The following BRI3BP variants were observed in gnomAD, a reference collection of about 807,000 sequenced individuals.
The protein encoded by BRI3BP is BRI3 binding protein.
BRI3BP carries 7 observed loss-of-function variants against 15.8 expected under a neutral mutation model. The ratio of observed to expected loss-of-function variants is 0.44; its 90% CI spans 0.25 to 0.83. The LOEUF (loss-of-function observed/expected upper bound fraction) is 0.83, where lower values mean the gene tolerates loss of function less well. BRI3BP is among the 40% of genes least tolerant of loss of function. The pLI, the probability that BRI3BP is intolerant of heterozygous loss-of-function variation, is 0.20. For synonymous variants in BRI3BP, 192 were observed against 163.5 expected (o/e 1.17, Z -1.33); for missense variants, 320 against 339.3 (o/e 0.94, Z 0.45).
the BRI3BP span, among the ~76,000 whole-genome samples, chr12:125,039,854 A>G: frequency 6.6e-6 from 1 of 152,170 alleles, no homozygotes; most frequent in East Asian, 1.9e-4. Context: ...GTACAATGGA[A>G]TTTTCTAGAG....
At chr12:125,042,992 A>C in the BRI3BP span, among the ~76,000 whole-genome samples, 1 of 152,060 alleles carries the variant, frequency 6.6e-6, no homozygotes, top group South Asian at 2.1e-4. Flanking sequence ...TAATGCAGAA[A>C]ATTTGAAATC....
chr12:125,028,331 C>T lies in BRI3BP; in HGVS notation c.*2901C>T, dbSNP rs1421441093. ...TGGGTGTAATACCCGCTTCATTCCT[C>T]CTCCCACCCTCTTACCCGAAACATG... is the stretch of plus-strand genomic sequence containing the variant. On this transcript the variant is annotated 3_prime_UTR_variant, in exon 3 of 3. Coordinates refer to ENST00000341446, the MANE Select transcript of BRI3BP (RefSeq NM_080626.6). 6.6e-6 allele frequency: 1 copy of T among 152,226 alleles called. No individual in the cohort carries two copies. Among genetic ancestry groups the T allele is most frequent in the Non-Finnish European group, 1.5e-5 (1 of 68,048 alleles). 9.4% of individuals were successfully genotyped at this position (152,226 alleles called of 1,614,324 possible).
At position 124,993,821 on chromosome 12, in the gene BRI3BP, G is replaced by C; in HGVS notation, c.31G>C (p.Ala11Pro). ...CGCGCGCGCCTCAGGCGGGCCCCTGGCCCGGGCCGGGCTCCTGCTGCTGCT... is the reference window on the plus strand; with the variant it reads ...CGCGCGCGCCTCAGGCGGGCCCCTGCCCCGGGCCGGGCTCCTGCTGCTGCT... MGARASGGPL[A>P]RAGLLLLLLL... Residue 11 changes from alanine (A) to proline (P), a missense_variant, in exon 1 of 3, where the codon GCC (alanine) becomes CCC (proline). Ala to Pro is a conservative substitution (Grantham distance 27, BLOSUM62 -1). Coordinates refer to ENST00000341446, the MANE Select transcript of BRI3BP (RefSeq NM_080626.6). 1.8e-6 allele frequency: 2 copies of C among 1,127,918 alleles called. No individual in the cohort carries two copies. Among genetic ancestry groups the C allele is most frequent in the Non-Finnish European group, 2.2e-6 (2 of 925,606 alleles). 69.9% of individuals were successfully genotyped at this position (1,127,918 alleles called of 1,614,324 possible).
chr12:125,033,829 A>G (rs914095180), downstream of BRI3BP, among the ~76,000 whole-genome samples: 2 of 149,782 alleles, frequency 1.3e-5, no homozygotes, highest in South Asian at 2.1e-4. Context: ...TGCAACCTCC[A>G]TCTCCACGGT....
intron 1 of BRI3BP, among the ~76,000 whole-genome samples, chr12:125,004,004 A>ACACACAC (rs1955121657): frequency 7.9e-6 from 1 of 126,970 alleles, no homozygotes. Flanking sequence ...CACACACACA[A>ACACACAC]CACACAATAC....
intron 2 of BRI3BP, among the ~76,000 whole-genome samples, chr12:125,014,525 C>T (rs1003306112): frequency 6.6e-6 from 1 of 152,256 alleles, no homozygotes; most frequent in Non-Finnish European, 1.5e-5. Context: ...TCAGAGTTCT[C>T]TCCCTGTGGA....
intron 1 of BRI3BP, among the ~76,000 whole-genome samples, chr12:125,003,463 G>A (rs1037517562): frequency 2.6e-5 from 4 of 152,100 alleles, no homozygotes; most frequent in African/African-American, 9.7e-5. Context: ...CATAACCAAA[G>A]GTAGGGAGAG....
Position 124,993,777 on chromosome 12 carries a change from C to T in BRI3BP, c.-14C>T. 1 of 1,014,112 alleles carries T rather than the reference C, an allele frequency of 9.9e-7. No homozygotes were observed. The highest frequency in any genetic ancestry group is 4.4e-5 in the South Asian group (1 of 22,778). 62.8% of individuals were successfully genotyped at this position (1,014,112 alleles called of 1,614,324 possible). ...CTCACCCCGCATCGCGACCCCGCGC[C>T]CCGCCGGCCGAGCATGGGCGCGCGC... On this transcript the variant is annotated 5_prime_UTR_variant, in exon 1 of 3. Transcript: ENST00000341446.
At position 125,012,584 on chromosome 12, in the gene BRI3BP, G is replaced by A. The variant is rs1955205928; in HGVS notation, c.264G>A (p.Val88=). 6.2e-7 allele frequency: 1 copy of A among 1,613,362 alleles called. No individual in the cohort carries two copies. Among genetic ancestry groups the A allele is most frequent in the Admixed American group, 1.7e-5 (1 of 59,988 alleles). ...TTGTGCTGGGAGTGGATATGTTCGT[G>A]GAGACACTGTGGAAAGTCTGGACCG... ...ERFVLGVDMF[V]ETLWKVWTEL... Residue 88 remains valine (V), a synonymous_variant, in exon 2 of 3, where the codon GTG becomes GTA. Transcript: ENST00000341446.
intron 1 of BRI3BP, among the ~76,000 whole-genome samples, chr12:125,002,217 T>C (rs1388785579): frequency 1.3e-5 from 2 of 152,208 alleles, no homozygotes; most frequent in Admixed American, 6.5e-5. Flanking sequence ...TATTTTGCGG[T>C]GCATACCTAG....
At chr12:125,039,328 C>A in the BRI3BP span, among the ~76,000 whole-genome samples, 1 of 152,002 alleles carries the variant, frequency 6.6e-6, no homozygotes, top group Non-Finnish European at 1.5e-5. Flanking sequence ...CAAATGCATG[C>A]CTTTCATCAT....
chr12:125,020,980 C>T (rs1955293894), intron 2 of BRI3BP, among the ~76,000 whole-genome samples: 1 of 152,142 alleles, frequency 6.6e-6, no homozygotes. Flanking sequence ...TTAGGTAGAA[C>T]CCACATAAAC....
intron 2 of BRI3BP, among the ~76,000 whole-genome samples, chr12:125,014,657 A>G (rs1955226328): frequency 6.6e-6 from 1 of 151,394 alleles, no homozygotes; most frequent in Admixed American, 6.6e-5. Flanking sequence ...AAAATTCTAG[A>G]CTCCCAGAGG....
chr12:125,030,961 TGGTG>T lies in BRI3BP; in HGVS notation c.*5532_*5535del, dbSNP rs1955401811. On this transcript the variant is annotated 3_prime_UTR_variant, in exon 3 of 3. Coordinates refer to ENST00000341446, the MANE Select transcript of BRI3BP (RefSeq NM_080626.6). ...GATTTGAATAGTGTGTGTGTGTACA[TGGTG>T]TGTGTGTGTGTGTGCACTTTAGTTT... 6.7e-6 allele frequency: 1 copy of T among 148,610 alleles called. No individual in the cohort carries two copies. The highest frequency in any genetic ancestry group is 6.9e-5 in the Admixed American group (1 of 14,588). 9.2% of individuals were successfully genotyped at this position (148,610 alleles called of 1,614,324 possible).
rs1407160398 is a variant in BRI3BP, at chr12:124,999,580, T to C, written c.213+5577T>C. ...CTGGGATTACAGGTCTGCACCGCCA[T>C]GCCCTGCTAAGTTTTTTATTTTTTA... On this transcript the variant is annotated intron_variant, in intron 1 of 2. Coordinates refer to ENST00000341446, the MANE Select transcript of BRI3BP (RefSeq NM_080626.6). Among the ~76,000 whole-genome samples the C allele has an allele frequency of 2.6e-5, 4 of 151,732 alleles. No homozygotes were observed. In the East Asian group the frequency reaches 7.8e-4, roughly 29 times the overall value.
the BRI3BP span, among the ~76,000 whole-genome samples, chr12:125,050,168 T>G: frequency 6.6e-6 from 1 of 152,018 alleles, no homozygotes; most frequent in Non-Finnish European, 1.5e-5. Flanking sequence ...CTGGCCAACA[T>G]GGCGAAACCC....
intron 1 of BRI3BP, among the ~76,000 whole-genome samples, chr12:125,000,746 A>G (rs567613772): frequency 2.8e-4 from 42 of 152,332 alleles, no homozygotes; most frequent in Non-Finnish European, 4.7e-4. Context: ...TTTCTCTGCA[A>G]ACACATCCGA....
chr12:125,008,687 C>T (rs544515034), intron 1 of BRI3BP, among the ~76,000 whole-genome samples: 1 of 152,262 alleles, frequency 6.6e-6, no homozygotes, highest in East Asian at 1.9e-4. Flanking sequence ...ACAGTTTTTC[C>T]ATGGACTGGG....
chr12:125,031,060 A>G lies in BRI3BP; in HGVS notation c.*5630A>G, dbSNP rs1454197594. 6.6e-6 allele frequency: 1 copy of G among 151,850 alleles called. No homozygotes were observed. The highest frequency in any genetic ancestry group is 1.9e-4 in the East Asian group (1 of 5,198). 9.4% of individuals were successfully genotyped at this position (151,850 alleles called of 1,614,324 possible). On this transcript the variant is annotated 3_prime_UTR_variant, in exon 3 of 3. Coordinates refer to ENST00000341446, the MANE Select transcript of BRI3BP (RefSeq NM_080626.6). ...TAAATGTATCAGGCATTTTTTTGCAAAGCGATATATACATTCCTCTTATTT... is the reference window on the plus strand; with the variant it reads ...TAAATGTATCAGGCATTTTTTTGCAGAGCGATATATACATTCCTCTTATTT...
Sources: allele counts gnomAD v4.1 joint callset (sites outside exome capture counted in the v4.1 genomes callset), GRCh38; gene constraint gnomAD v4.1.1; transcripts MANE v1.5; gene names NCBI Gene and HGNC (gene_info 2026-07-23, HGNC 2026-07-21).